Variants in CCDC7 observed in about 807,000 individuals in gnomAD.
CCDC7 encodes the protein coiled-coil domain-containing protein 7.
Under a neutral mutation model 196.9 loss-of-function variants are expected in CCDC7, and 183 were observed. The observed-to-expected ratio is 0.93, with a 90% CI of 0.82 to 1.05. The LOEUF (loss-of-function observed/expected upper bound fraction) is 1.05, where lower values mean the gene tolerates loss of function less well. Ranked by LOEUF, CCDC7 falls within the 50% of genes least tolerant of loss-of-function variation. The probability of loss-of-function intolerance (pLI) is 0.00; values close to 1 mark genes in which losing one functional copy is unlikely to be tolerated. For synonymous variants in CCDC7, 525 were observed against 484.6 expected, an observed-to-expected ratio of 1.08 and a Z score of -1.10; for missense variants, 1,540 against 1,482.2, an observed-to-expected ratio of 1.04 and a Z score of -0.64.
At chr10:32,632,364 C>A (rs2064999567) in intron 18 of CCDC7, among the ~76,000 whole-genome samples, 1 of 151,748 alleles carries the variant, frequency 6.6e-6, no homozygotes, top group Non-Finnish European at 1.5e-5. Flanking sequence ...TAAAGGGAAT[C>A]ATTTATTAAT....
chr10:32,634,184 T>C (rs2065274900), intron 18 of CCDC7, 70 bp from the exon 20 acceptor site: 2 of 621,644 alleles, frequency 3.2e-6, no homozygotes, highest in African/African-American at 1.9e-5. Flanking sequence ...ATGTTTAAAA[T>C]GTGAAATTTG....
At chr10:32,668,663 T>A (rs539375941) in intron 21 of CCDC7, among the ~76,000 whole-genome samples, 1 of 152,330 alleles carries the variant, frequency 6.6e-6, no homozygotes, top group Non-Finnish European at 1.5e-5. Flanking sequence ...GTTTATATGC[T>A]GGATTACATT....
At chr10:32,593,717 A>G (rs1489452075) in intron 18 of CCDC7, among the ~76,000 whole-genome samples, 1 of 152,072 alleles carries the variant, frequency 6.6e-6, no homozygotes, top group African/African-American at 2.4e-5. Context: ...TCTTGAATTG[A>G]TTTTTGTATA....
At chr10:32,609,053 G>C (rs1340973297) in intron 18 of CCDC7, among the ~76,000 whole-genome samples, 1 of 152,146 alleles carries the variant, frequency 6.6e-6, no homozygotes, top group Admixed American at 6.5e-5. Flanking sequence ...CCTGGAAAAT[G>C]TTCCGTGTCC....
At position 32,491,991 on chromosome 10, in the gene CCDC7, T is replaced by A; in HGVS notation, c.866T>A (p.Leu289Ter). ...GTATTTGAAAACCAGGCAAATATGT[T>A]GGAGAGGTAAGCTTTTTTGTTTTTG... Residue 289 changes from leucine to a stop codon, truncating the protein, a stop_gained, in exon 9 of 42, where the codon TTG becomes TAG. Coordinates refer to ENST00000639629, the Ensembl canonical transcript of CCDC7. LOFTEE classifies it high-confidence loss of function. The A allele has an allele frequency of 6.4e-7, 1 of 1,565,696 alleles. No homozygotes were observed. Among genetic ancestry groups the A allele is most frequent in the Non-Finnish European group, 8.6e-7 (1 of 1,161,296 alleles).
intron 20 of CCDC7, among the ~76,000 whole-genome samples, chr10:32,639,215 T>G (rs1348559561): frequency 6.6e-6 from 1 of 152,174 alleles, no homozygotes; most frequent in African/African-American, 2.4e-5. Context: ...TTGAAGGGTT[T>G]TTTGGGTCTC....
intron 11 of CCDC7, among the ~76,000 whole-genome samples, chr10:32,522,665 T>C (rs2048048345): frequency 6.6e-6 from 1 of 152,162 alleles, no homozygotes; most frequent in Non-Finnish European, 1.5e-5. Flanking sequence ...GAAATTCATT[T>C]ATGTCTGCTC....
chr10:32,596,167 C>A lies in CCDC7; in HGVS notation c.1801+11863C>A, dbSNP rs548696306. 3.3e-4 allele frequency among the ~76,000 whole-genome samples: 50 copies of A among 151,444 alleles called. No individual in the cohort carries two copies. In the South Asian group the frequency reaches 4.4e-3, roughly 13 times the overall value. ...GTGTTAAAATCTCCTATTATTATTG[C>A]GTGGTCTCTTTTTAGGTCTCTCAGG... On this transcript the variant is annotated intron_variant, in intron 18 of 41. Coordinates refer to ENST00000639629, the Ensembl canonical transcript of CCDC7.
chr10:32,484,982 G>C (rs1234469581), intron 8 of CCDC7, among the ~76,000 whole-genome samples: 1 of 152,184 alleles, frequency 6.6e-6, no homozygotes, highest in African/African-American at 2.4e-5. Flanking sequence ...GTCTCTGCCA[G>C]GCTTTGGTAT....
intron 41 of CCDC7, among the ~76,000 whole-genome samples, chr10:32,875,875 A>G (rs11009120): frequency 0.091 from 13,861 of 152,006 alleles, 882 homozygotes; most frequent in East Asian, 0.33. Context: ...GAAGAACCAT[A>G]GGCATATTAA....
At chr10:32,755,555 A>C (rs185788092) in intron 28 of CCDC7, among the ~76,000 whole-genome samples, 128 of 152,226 alleles carry the variant, frequency 8.4e-4, no homozygotes, top group African/African-American at 2.7e-3. Flanking sequence ...GTTAGAAGGA[A>C]AACTAACAAA....
intron 41 of CCDC7, among the ~76,000 whole-genome samples, chr10:32,871,282 G>C (rs1337838010): frequency 6.6e-6 from 1 of 152,100 alleles, no homozygotes; most frequent in East Asian, 1.9e-4. Context: ...TTCAGAGCCT[G>C]TTATTGGTCT....
At chr10:32,666,982 A>G (rs2072917894) in intron 21 of CCDC7, among the ~76,000 whole-genome samples, 1 of 152,190 alleles carries the variant, frequency 6.6e-6, no homozygotes, top group Admixed American at 6.5e-5. Context: ...ACTAGTTTAC[A>G]GTCCCACCAA....
At chr10:32,881,901 C>T (rs146323446), downstream of CCDC7, among the ~76,000 whole-genome samples, 204 of 152,238 alleles carry the variant, frequency 1.3e-3, 1 homozygote, top group African/African-American at 4.6e-3. Flanking sequence ...AGCACACATT[C>T]ATCATCGAGG....
At chr10:32,527,563 T>C (rs2048871956) in intron 11 of CCDC7, among the ~76,000 whole-genome samples, 1 of 152,218 alleles carries the variant, frequency 6.6e-6, no homozygotes, top group East Asian at 1.9e-4. Context: ...CTTTCAGTAT[T>C]CTAAAATATA....
In CCDC7 at chr10:32,454,391, T is replaced by G. The variant is rs116792669; in HGVS notation, c.372+955T>G. Reference sequence around the variant, plus strand: ...AAGAACCAAAACTAAAATCTGAAATTGAAGTCCAATAGAAACTGGGATGAC... The same window carrying G: ...AAGAACCAAAACTAAAATCTGAAATGGAAGTCCAATAGAAACTGGGATGAC... On this transcript the variant is annotated intron_variant, in intron 2 of 41. Coordinates refer to ENST00000639629, the Ensembl canonical transcript of CCDC7. Among the ~76,000 whole-genome samples the G allele has an allele frequency of 6.5e-3, 988 of 152,106 alleles. 7 individuals carry two copies. The highest frequency in any genetic ancestry group is 0.022 in the African/African-American group (925 of 41,482).
At position 32,666,837 on chromosome 10, in the gene CCDC7, C is replaced by T. The variant is rs867978835; in HGVS notation, c.2122+2676C>T. ...TGTGAATAGTGCCACAATAAACATA[C>T]GTGTGCATGTGTCTTTATAGCAGCA... is the stretch of plus-strand genomic sequence containing the variant. On this transcript the variant is annotated intron_variant, in intron 21 of 41. Transcript: ENST00000639629. 7.0e-4 allele frequency among the ~76,000 whole-genome samples: 107 copies of T among 152,106 alleles called. 1 individual carries two copies. Among genetic ancestry groups the T allele is most frequent in the Middle Eastern group, 3.4e-3 (1 of 294 alleles).
At chr10:32,572,120 GAAAC>G (rs1159632297) in intron 16 of CCDC7, among the ~76,000 whole-genome samples, 3 of 152,002 alleles carry the variant, frequency 2.0e-5, no homozygotes, top group Non-Finnish European at 4.4e-5. Context: ...GGACAATGTA[GAAAC>G]AAACTTTTTT....
At chr10:32,690,393 G>A (rs950704373) in intron 23 of CCDC7, among the ~76,000 whole-genome samples, 7 of 152,154 alleles carry the variant, frequency 4.6e-5, no homozygotes, top group Non-Finnish European at 7.3e-5. Flanking sequence ...TCTATATAAG[G>A]TTAATCTGAA....
Sources: gnomAD v4.1 joint callset for allele counts (sites outside exome capture counted in the v4.1 genomes callset) on GRCh38, gnomAD v4.1.1 for gene constraint, MANE v1.5 for transcripts, NCBI Gene and HGNC (gene_info 2026-07-23, HGNC 2026-07-21) for gene names.